The following ST6GALNAC6 variants were observed in gnomAD, a reference collection of about 807,000 sequenced individuals.
The protein encoded by ST6GALNAC6 is ST6 N-acetylgalactosaminide alpha-2,6-sialyltransferase 6, also known as alpha-N-acetylgalactosaminide alpha-2,6-sialyltransferase 6.
Under a neutral mutation model 34.3 loss-of-function variants are expected in ST6GALNAC6, and 19 were observed. The observed-to-expected ratio is 0.55, with a 90% CI of 0.39 to 0.81. ST6GALNAC6 has a LOEUF of 0.81. ST6GALNAC6 is among the 40% of genes least tolerant of loss of function. The pLI, the probability that ST6GALNAC6 is intolerant of heterozygous loss-of-function variation, is 0.00. For synonymous variants in ST6GALNAC6, 185 were observed against 182.1 expected (o/e 1.02, Z -0.13); for missense variants, 377 against 467.7 (o/e 0.81, Z 1.79).
chr9:127,892,292 T>C (rs1423781401), intron 4 of ST6GALNAC6, among the ~76,000 whole-genome samples: 1 of 152,176 alleles, frequency 6.6e-6, no homozygotes, highest in Non-Finnish European at 1.5e-5. Context: ...GGAATTTACT[T>C]TATAGTTTAA....
rs1361307345 is a variant in ST6GALNAC6, at chr9:127,890,139, A to AT, written c.704+497dup. On this transcript the variant is annotated intron_variant, in intron 5 of 6. Coordinates refer to ENST00000373146, the MANE Select transcript of ST6GALNAC6 (RefSeq NM_013443.5). The surrounding 1 kb of genome is among the most constrained non-coding windows in gnomAD (Gnocchi z 4.3). ...TGCGATTACTATGAAAATAAATGACATATGTGGCTCACATAGATTTCTATT... is the reference window on the plus strand; with the variant it reads ...TGCGATTACTATGAAAATAAATGACATTATGTGGCTCACATAGATTTCTATT... Among the ~76,000 whole-genome samples, 3 of 152,210 alleles carry AT rather than the reference A, an allele frequency of 2.0e-5. No individual in the cohort carries two copies. The highest frequency in any genetic ancestry group is 4.8e-5 in the African/African-American group (2 of 41,440).
chr9:127,891,123 C>T, intron 4 of ST6GALNAC6, 80 bp from the exon 5 acceptor site: 25 of 1,496,746 alleles, frequency 1.7e-5, no homozygotes, highest in Non-Finnish European at 2.2e-5. Context: ...CTCCAGGACC[C>T]AGGAATTGTT....
chr9:127,897,773 C>T (rs539875934), intron 2 of ST6GALNAC6, 183 bp downstream of exon 2: 5 of 1,427,314 alleles, frequency 3.5e-6, no homozygotes, highest in East Asian at 5.0e-5. Context: ...TATCTTACTA[C>T]GCGTGGCCAC....
intron 4 of ST6GALNAC6, among the ~76,000 whole-genome samples, chr9:127,893,267 G>T (rs1830256589): frequency 6.6e-6 from 1 of 152,132 alleles, no homozygotes; most frequent in Non-Finnish European, 1.5e-5. Flanking sequence ...AGAACAGCAG[G>T]TCACAAAGTC....
chr9:127,900,991 C>CAAAAAAAAAA (rs56673204), upstream of ST6GALNAC6, among the ~76,000 whole-genome samples: 21 of 61,006 alleles, frequency 3.4e-4, no homozygotes, highest in East Asian at 1.2e-3. Context: ...AACTCCCTAT[C>CAAAAAAAAAA]AAAAAAAAAA....
At chr9:127,897,259 C>A in intron 2 of ST6GALNAC6, 1 of 985,890 alleles carries the variant, frequency 1.0e-6, no homozygotes, top group Non-Finnish European at 1.2e-6. Context: ...AGGCCGGGGG[C>A]AGGGCGGGCA....
rs775105123 is a variant in ST6GALNAC6, at chr9:127,897,970, C to G, written c.12G>C (p.Ser4=). 1.9e-6 allele frequency: 3 copies of G among 1,599,332 alleles called. No individual in the cohort carries two copies. Among genetic ancestry groups the G allele is most frequent in the African/African-American group, 1.3e-5 (1 of 74,566 alleles). Residue 4 remains serine (S), a synonymous_variant, in exon 2 of 7, where the codon TCG becomes TCC. Coordinates refer to ENST00000373146, the MANE Select transcript of ST6GALNAC6 (RefSeq NM_013443.5). The part of the protein sequence containing the change: MAC[S]RPPSQCEPTS... Reference sequence around the variant, plus strand: ...TCACCACTTACTGGCTGGGGGGCCTCGAGCAAGCCATGTGACCTCTCTGAG... The same window carrying G: ...TCACCACTTACTGGCTGGGGGGCCTGGAGCAAGCCATGTGACCTCTCTGAG...
At position 127,896,282 on chromosome 9, in the gene ST6GALNAC6, A is replaced by T. The variant is rs758385629; in HGVS notation, c.77T>A (p.Leu26Gln). The change falls in exon 3 of 7, where the codon CTA becomes CAA. Residue 26 changes from leucine (L) to glutamine (Q), a missense_variant. By Grantham distance (113) the Leu-to-Gln change is moderately radical. Transcript: ENST00000373146. ...PPGPPAGRRH[L>Q]PLSRRRREMS... ...TTCTCTCCGGCGTCTGCTGAGGGGT[A>T]GGTGTCGGCGTCCTGCAGGTGGCCC... The T allele has an allele frequency of 1.9e-6, 3 of 1,614,054 alleles. No homozygotes were observed. In the Admixed American group the frequency reaches 5.0e-5, roughly 27 times the overall value.
At chr9:127,905,923 T>C, upstream of ST6GALNAC6, 3 of 985,262 alleles carry the variant, frequency 3.0e-6, no homozygotes, top group Non-Finnish European at 3.6e-6. Flanking sequence ...CCAGACTCCA[T>C]CCCGCCCTTA....
chr9:127,891,988 T>C (rs573561645), intron 4 of ST6GALNAC6, among the ~76,000 whole-genome samples: 1 of 151,652 alleles, frequency 6.6e-6, no homozygotes, highest in Admixed American at 6.6e-5. Flanking sequence ...CCCATCTCTA[T>C]GAAAAATACA....
chr9:127,893,638 T>G (rs183700316), intron 4 of ST6GALNAC6, among the ~76,000 whole-genome samples: 1 of 152,346 alleles, frequency 6.6e-6, no homozygotes, highest in African/African-American at 2.4e-5. Context: ...CTGGAAGCAC[T>G]GCAAGCCAGG....
chr9:127,890,655 C>T lies in ST6GALNAC6; in HGVS notation c.686G>A (p.Gly229Asp). 6.2e-7 allele frequency: 1 copy of T among 1,613,242 alleles called. No homozygotes were observed. Among genetic ancestry groups the T allele is most frequent in the South Asian group, 1.1e-5 (1 of 91,086 alleles). The change falls in exon 5 of 7, where the codon GGT becomes GAT. Residue 229 changes from glycine (G) to aspartate (D), a missense_variant. Gly to Asp is a moderately conservative substitution (Grantham distance 94). Transcript: ENST00000373146. The surrounding 1 kb of genome is among the most constrained non-coding windows in gnomAD (Gnocchi z 4.3). ...CTGGTACCTGTCCTTGCCCGTCTCA[C>T]CCCGGAAGAGGTCGTCAAATTGCCG... ...RMRQFDDLFR[G>D]ETGKDREKSH...
chr9:127,886,734 C>T lies in ST6GALNAC6; in HGVS notation c.867G>A (p.Pro289=), dbSNP rs1199721619. 15 of 1,613,400 alleles carry T rather than the reference C, an allele frequency of 9.3e-6. No homozygotes were observed. The East Asian group carries it at 1.8e-4, about 19-fold the overall frequency. Residue 289 remains proline, a synonymous_variant, in exon 7 of 7, where the codon CCG becomes CCA. Transcript: ENST00000373146. ...TCTGGATGTAGGTGACACATTCGTCCGGCCCCTTGGGCTCGTAGTAGTGGT... is the reference window on the plus strand; with the variant it reads ...TCTGGATGTAGGTGACACATTCGTCTGGCCCCTTGGGCTCGTAGTAGTGGT... ...MPYHYYEPKG[P]DECVTYIQNE...
chr9:127,900,309 T>C (rs1830703284), upstream of ST6GALNAC6, among the ~76,000 whole-genome samples: 1 of 152,018 alleles, frequency 6.6e-6, no homozygotes, highest in Non-Finnish European at 1.5e-5. Context: ...GCCTGTAATC[T>C]CAACACTTTG....
intron 2 of ST6GALNAC6, among the ~76,000 whole-genome samples, chr9:127,896,713 G>GC (rs1830479249): frequency 6.6e-6 from 1 of 152,110 alleles, no homozygotes. Context: ...CCGCTTGTAG[G>GC]CCCCCGAACT....
At chr9:127,886,962 AT>A (rs35918357) in intron 6 of ST6GALNAC6, among the ~76,000 whole-genome samples, 174 bp from the exon 7 acceptor site, 113 of 145,250 alleles carry the variant, frequency 7.8e-4, no homozygotes, top group Middle Eastern at 3.6e-3. Flanking sequence ...GTAACCACCA[AT>A]TTTTTTTTTT....
chr9:127,895,125 G>T (rs1223063377), intron 3 of ST6GALNAC6, among the ~76,000 whole-genome samples: 1 of 152,228 alleles, frequency 6.6e-6, no homozygotes, highest in Non-Finnish European at 1.5e-5. Context: ...ATTGCCTCTA[G>T]CTCCAAATTT....
intron 4 of ST6GALNAC6, among the ~76,000 whole-genome samples, chr9:127,893,689 C>T (rs1830279741): frequency 6.6e-6 from 1 of 152,180 alleles, no homozygotes; most frequent in East Asian, 1.9e-4. Context: ...TCAAGCTGTC[C>T]CATTTTTATT....
At position 127,894,677 on chromosome 9, in the gene ST6GALNAC6, T is replaced by A. The variant is rs1293677885; in HGVS notation, c.132A>T (p.Ala44=). The part of the protein sequence containing the change: ...EMSSNKEQRS[A]VFVILFALIT... ...TGAGGGCAAAGAGGATCACGAACACTGCTGACCGCTGCTCCTGGAGAGAGG... is the reference window on the plus strand; with the variant it reads ...TGAGGGCAAAGAGGATCACGAACACAGCTGACCGCTGCTCCTGGAGAGAGG... The change falls in exon 4 of 7, where the codon GCA becomes GCT. Residue 44 remains alanine (A), a synonymous_variant. Transcript: ENST00000373146. 1 of 1,614,114 alleles carries A rather than the reference T, an allele frequency of 6.2e-7. No individual in the cohort carries two copies. Among genetic ancestry groups the A allele is most frequent in the Non-Finnish European group, 8.5e-7 (1 of 1,180,004 alleles).
Sources: gnomAD v4.1 joint callset for allele counts (sites outside exome capture counted in the v4.1 genomes callset) on GRCh38, gnomAD v4.1.1 for gene constraint, Gnocchi (gnomAD v3.1) non-coding constraint, MANE v1.5 for transcripts, NCBI Gene and HGNC (gene_info 2026-07-23, HGNC 2026-07-21) for gene names.